The following UBN2 variants were observed in gnomAD, a reference collection of about 807,000 sequenced individuals.
The protein encoded by UBN2 is ubinuclein 2.
In UBN2, 35 loss-of-function variants were observed where a neutral mutation model predicts 120.2. The observed-to-expected ratio is 0.29, with a 90% confidence interval of 0.22 to 0.39. The LOEUF is 0.39. Ranked by LOEUF, UBN2 falls within the 10% of genes least tolerant of loss-of-function variation. The probability of loss-of-function intolerance (pLI) is 1.00; values close to 1 mark genes in which losing one functional copy is unlikely to be tolerated. For synonymous variants in UBN2, 661 were observed against 648.7 expected, an observed-to-expected ratio of 1.02 and a Z score of -0.29; for missense variants, 1,693 against 1,663.2, an observed-to-expected ratio of 1.02 and a Z score of -0.31.
At chr7:139,266,791 C>T (rs886367484) in intron 7 of UBN2, among the ~76,000 whole-genome samples, 1 of 151,916 alleles carries the variant, frequency 6.6e-6, no homozygotes, top group Non-Finnish European at 1.5e-5. Context: ...ATAGTAATTC[C>T]GTTGATATCT....
chr7:139,235,022 G>A (rs935342332), intron 1 of UBN2, among the ~76,000 whole-genome samples: 2 of 152,068 alleles, frequency 1.3e-5, no homozygotes, highest in Non-Finnish European at 2.9e-5. Context: ...AACTGTGAAA[G>A]AAAAGTGAGT....
chr7:139,268,676 G>T lies in UBN2; in HGVS notation c.1467-718G>T, dbSNP rs75752385. On this transcript the variant is annotated intron_variant, in intron 7 of 17. Coordinates refer to ENST00000473989, the MANE Select transcript of UBN2 (RefSeq NM_173569.4). ...TCACTCTGTTGCCCAGCCTGGAGCA[G>T]TGATGTGCTCATGGCTCACTGGCCT... Among the ~76,000 whole-genome samples, 845 of 152,294 alleles carry T rather than the reference G, an allele frequency of 5.5e-3. 9 individuals carry two copies. The highest frequency in any genetic ancestry group is 7.0e-3 in the Non-Finnish European group (474 of 68,026).
intron 12 of UBN2, chr7:139,277,069 A>T (rs1370468385): frequency 6.6e-6 from 1 of 152,046 alleles, no homozygotes; most frequent in East Asian, 1.9e-4. Flanking sequence ...TTCCAGAAAA[A>T]AAAAAGGGGG....
downstream of UBN2, among the ~76,000 whole-genome samples, chr7:139,309,052 C>CGA (rs544335291): frequency 3.3e-5 from 5 of 152,074 alleles, no homozygotes; most frequent in South Asian, 1.0e-3. Context: ...GGTGACAGAG[C>CGA]GAGACTCCGT....
chr7:139,260,624 T>C (rs1258758111), intron 5 of UBN2, among the ~76,000 whole-genome samples: 1 of 152,162 alleles, frequency 6.6e-6, no homozygotes, highest in African/African-American at 2.4e-5. Context: ...GTTATCAATA[T>C]CCATAAGATT....
chr7:139,231,939 G>A lies in UBN2; in HGVS notation c.455G>A (p.Cys152Tyr), dbSNP rs773367551. 1.9e-6 allele frequency: 3 copies of A among 1,582,262 alleles called. No homozygotes were observed. Among genetic ancestry groups the A allele is most frequent in the Non-Finnish European group, 2.6e-6 (3 of 1,170,868 alleles). Residue 152 changes from cysteine (C) to tyrosine (Y), a missense_variant, in exon 1 of 18, where the codon TGC (cysteine) becomes TAC (tyrosine). By Grantham distance (194) the Cys-to-Tyr change is radical (BLOSUM62 -2). Transcript: ENST00000473989. The stretch of plus-strand genomic sequence containing the variant: ...TTCAGTTACCCGGAGCTGCTGCTGT[G>A]CGGAGAACAACGGGTACAGAAGATT... ...VEFSYPELLL[C>Y]GEQRKKLIHT...
intron 9 of UBN2, among the ~76,000 whole-genome samples, chr7:139,272,831 A>G (rs528664008): frequency 2.0e-4 from 30 of 152,178 alleles, no homozygotes; most frequent in Non-Finnish European, 3.8e-4. Flanking sequence ...CTGGACGTGC[A>G]TTTGAGAAGT....
At chr7:139,309,273 T>G (rs997003151), downstream of UBN2, among the ~76,000 whole-genome samples, 9 of 152,222 alleles carry the variant, frequency 5.9e-5, no homozygotes, top group Non-Finnish European at 1.2e-4. Context: ...TTTTATTTTT[T>G]CCTTTTAAGT....
Position 139,282,033 on chromosome 7 carries a change from A to C in UBN2, c.2096A>C (p.His699Pro). The C allele has an allele frequency of 6.2e-7, 1 of 1,613,452 alleles. No homozygotes were observed. ...KEVMVKTLPL[H>P]SFPTMLKECS... ...GTGATGGTAAAGACCCTTCCTCTCC[A>C]TTCTTTCCCCACTATGCTTAAGGTA... is the stretch of plus-strand genomic sequence containing the variant. The change falls in exon 14 of 18, where the codon CAT (histidine) becomes CCT (proline). Residue 699 changes from histidine to proline, a missense_variant. Physicochemically the swap from His to Pro is moderately conservative, Grantham distance 77 (BLOSUM62 -2). Around this residue, in one of 5 missense-constraint regions of UBN2, gnomAD observed 837 missense variants for 817.6 expected, o/e 1.02. Coordinates refer to ENST00000473989, the MANE Select transcript of UBN2 (RefSeq NM_173569.4).
chr7:139,264,074 T>C (rs77013114), intron 6 of UBN2, among the ~76,000 whole-genome samples: 2,699 of 152,340 alleles, frequency 0.018, 93 homozygotes, highest in African/African-American at 0.062. Context: ...GTGATGATTA[T>C]TGAATCTAAA....
chr7:139,281,417 G>A (rs548987487), intron 13 of UBN2, among the ~76,000 whole-genome samples: 35 of 152,230 alleles, frequency 2.3e-4, no homozygotes, highest in Non-Finnish European at 2.1e-4. Context: ...TTTCTCCTCA[G>A]TCAGAGAATA....
chr7:139,282,957 T>C (rs1168590952), intron 14 of UBN2, 67 bp from the exon 15 acceptor site: 4 of 1,267,642 alleles, frequency 3.2e-6, no homozygotes, highest in African/African-American at 1.5e-5. Context: ...CTTTTAGTTA[T>C]TTAAAATTAA....
chr7:139,285,516 G>T (rs1468416285), intron 15 of UBN2, among the ~76,000 whole-genome samples: 2 of 152,176 alleles, frequency 1.3e-5, no homozygotes, highest in Admixed American at 6.5e-5. Context: ...TTATGGAGAA[G>T]TCTGAGGCCA....
At chr7:139,277,332 T>C (rs1431938074) in intron 12 of UBN2, 1 of 152,236 alleles carries the variant, frequency 6.6e-6, no homozygotes, top group Non-Finnish European at 1.5e-5. Flanking sequence ...TGTGTAACTT[T>C]CAGCTCTCCC....
At chr7:139,294,051 A>G in intron 17 of UBN2, 70 bp downstream of exon 17, 1 of 1,488,842 alleles carries the variant, frequency 6.7e-7, no homozygotes, top group South Asian at 1.2e-5. Flanking sequence ...TACTTTTCTG[A>G]AAACAATGTG....
chr7:139,247,847 T>G (rs1796513640), intron 2 of UBN2, among the ~76,000 whole-genome samples: 3 of 152,204 alleles, frequency 2.0e-5, no homozygotes, highest in Non-Finnish European at 2.9e-5. Context: ...CTTCCACTTG[T>G]CCTTGTCTGG....
chr7:139,246,779 TG>T (rs2130949262), intron 2 of UBN2, among the ~76,000 whole-genome samples: 1 of 152,282 alleles, frequency 6.6e-6, no homozygotes, highest in South Asian at 2.1e-4. Context: ...GATGTTTGTT[TG>T]TTGGCCTTTT....
Position 139,283,906 on chromosome 7 carries a change from T to C in UBN2, c.3001T>C (p.Ser1001Pro). 1 of 1,613,134 alleles carries C rather than the reference T, an allele frequency of 6.2e-7. No individual in the cohort carries two copies. Residue 1001 changes from serine (S) to proline (P), a missense_variant, in exon 15 of 18, where the codon TCT becomes CCT. By Grantham distance (74) the Ser-to-Pro change is moderately conservative (BLOSUM62 -1). Coordinates refer to ENST00000473989, the MANE Select transcript of UBN2 (RefSeq NM_173569.4). ...NGSQGSHPLV[S>P]RTVPSTTTSS... Reference sequence around the variant, plus strand: ...TTCTCAAGGGTCCCACCCCCTGGTTTCTAGGACAGTACCTAGCACCACTAC... The same window carrying C: ...TTCTCAAGGGTCCCACCCCCTGGTTCCTAGGACAGTACCTAGCACCACTAC...
At chr7:139,309,755 C>T (rs1798424421), downstream of UBN2, among the ~76,000 whole-genome samples, 1 of 152,154 alleles carries the variant, frequency 6.6e-6, no homozygotes, top group South Asian at 2.1e-4. Flanking sequence ...CCTGTAATCC[C>T]AGCTATTCGG....
Sources: gnomAD v4.1 joint callset for allele counts (sites outside exome capture counted in the v4.1 genomes callset) on GRCh38, gnomAD v4.1.1 for gene constraint, gnomAD v4.1.1 regional missense constraint, MANE v1.5 for transcripts, NCBI Gene and HGNC (gene_info 2026-07-23, HGNC 2026-07-21) for gene names.